Variants in DENND2C observed in about 807,000 individuals in gnomAD.
DENND2C encodes the protein DENN domain containing 2C.
A neutral mutation model predicts 112.4 loss-of-function variants in DENND2C; 72 were observed. The ratio of observed to expected loss-of-function variants is 0.64; its 90% CI spans 0.53 to 0.78. DENND2C has a LOEUF of 0.78. Ranked by LOEUF, DENND2C falls within the 30% of genes least tolerant of loss-of-function variation. DENND2C has a pLI of 0.00. For synonymous variants in DENND2C, 329 were observed against 381.6 expected (o/e 0.86, Z 1.61); for missense variants, 992 against 1,113.8 (o/e 0.89, Z 1.56).
chr1:114,601,445 T>C (rs780691839), intron 13 of DENND2C, 63 bp downstream of exon 13: 62 of 1,512,834 alleles, frequency 4.1e-5, no homozygotes, highest in Non-Finnish European at 5.5e-5. Context: ...TTAAACTCTA[T>C]GCCACTTAAT....
At position 114,623,561 on chromosome 1, in the gene DENND2C, C is replaced by T. The variant is rs755342230; in HGVS notation, c.889G>A (p.Gly297Arg). The T allele has an allele frequency of 3.1e-6, 5 of 1,610,168 alleles. No homozygotes were observed. The highest frequency in any genetic ancestry group is 4.2e-6 in the Non-Finnish European group (5 of 1,178,180). ...TIREELGRNS[G>R]SALYYTQSED... The stretch of plus-strand genomic sequence containing the variant: ...GACTGTGTGTAATAAAGTGCTGACC[C>T]AGAATTTCTTCCAAGTTCTTCACGA... The change falls in exon 5 of 21, where the codon GGG (glycine) becomes AGG (arginine). Residue 297 changes from glycine (G) to arginine (R), a missense_variant. Transcript: ENST00000393274.
intron 18 of DENND2C, among the ~76,000 whole-genome samples, chr1:114,590,205 G>A (rs6665750): frequency 0.011 from 1,718 of 152,124 alleles, 26 homozygotes; most frequent in African/African-American, 0.039. Flanking sequence ...ACAAGGCTGG[G>A]CAACATAGAC....
intron 10 of DENND2C, 69 bp downstream of exon 10, chr1:114,608,617 G>T (rs1182057812): frequency 6.6e-7 from 1 of 1,524,168 alleles, no homozygotes; most frequent in Non-Finnish European, 8.9e-7. Context: ...AAAACCAAGA[G>T]GACAGGAAAT....
rs768050448 is a variant in DENND2C, at chr1:114,623,609, G to C, written c.841C>G (p.Arg281Gly). The C allele has an allele frequency of 1.2e-6, 2 of 1,605,524 alleles. No individual in the cohort carries two copies. Among genetic ancestry groups the C allele is most frequent in the Non-Finnish European group, 1.7e-6 (2 of 1,175,974 alleles). ...CGAATCGTCTGTGAGTTCCGATTTC[G>C]AAAGTGCTGAATATCCTCAAATTCA... is the stretch of plus-strand genomic sequence containing the variant. ...SFEFEDIQHFRNRNSQTIREE... is the reference protein window; with the variant it reads ...SFEFEDIQHFGNRNSQTIREE... The change falls in exon 5 of 21, where the codon CGA becomes GGA. Residue 281 changes from arginine to glycine, a missense_variant. By Grantham distance (125) the Arg-to-Gly change is moderately radical. Coordinates refer to ENST00000393274, the MANE Select transcript of DENND2C (RefSeq NM_001256404.2).
rs956150229 is a variant in DENND2C at position 114,583,861 on chromosome 1, CAAA to C, written c.*1736_*1738del. ...ACACACACACACACACATACACACA[CAAA>C]AAAAACACTGCACCATCACTGAAAA... On this transcript the variant is annotated 3_prime_UTR_variant, in exon 21 of 21. Transcript: ENST00000393274. The C allele has an allele frequency of 2.7e-5, 4 of 148,588 alleles. No homozygotes were observed. Among genetic ancestry groups the C allele is most frequent in the Admixed American group, 6.7e-5 (1 of 14,848 alleles). 9.2% of individuals were successfully genotyped at this position (148,588 alleles called of 1,614,324 possible).
At chr1:114,638,400 A>G (rs909672649) in intron 3 of DENND2C, among the ~76,000 whole-genome samples, 8 of 152,202 alleles carry the variant, frequency 5.3e-5, no homozygotes, top group Non-Finnish European at 8.8e-5. Context: ...ACCATAAAGA[A>G]AAAGAATGGA....
At chr1:114,629,792 T>C (rs1167404584) in intron 3 of DENND2C, among the ~76,000 whole-genome samples, 1 of 152,184 alleles carries the variant, frequency 6.6e-6, no homozygotes, top group Non-Finnish European at 1.5e-5. Flanking sequence ...CCAATCTGAA[T>C]TCACTCCAGT....
intron 3 of DENND2C, among the ~76,000 whole-genome samples, chr1:114,630,806 C>T (rs1349709217): frequency 2.0e-5 from 3 of 152,110 alleles, no homozygotes; most frequent in African/African-American, 7.2e-5. Context: ...GAAAGAAAAA[C>T]TATGGGAGAT....
At position 114,587,436 on chromosome 1, in the gene DENND2C, T is replaced by G; in HGVS notation, c.2706A>C (p.Thr902=). The G allele has an allele frequency of 1.2e-6, 2 of 1,614,192 alleles. No homozygotes were observed. Among genetic ancestry groups the G allele is most frequent in the Non-Finnish European group, 1.7e-6 (2 of 1,180,036 alleles). ...TCCCACTGGGCTCCGACTCAGGAATTGTTTCCAAATACTGGATGGCCCGGA... is the reference window on the plus strand; with the variant it reads ...TCCCACTGGGCTCCGACTCAGGAATGGTTTCCAAATACTGGATGGCCCGGA... The part of the protein sequence containing the change: ...FEIRAIQYLE[T]IPESEPSGMN... The change falls in exon 20 of 21, where the codon ACA becomes ACC. Residue 902 remains threonine (T), a synonymous_variant. Coordinates refer to ENST00000393274, the MANE Select transcript of DENND2C (RefSeq NM_001256404.2).
Position 114,585,283 on chromosome 1 carries a change from CT to C in DENND2C, c.*316del. On this transcript the variant is annotated 3_prime_UTR_variant, in exon 21 of 21. Transcript: ENST00000393274. ...TTTTTTAAATGTAACAACAACAAGG[CT>C]TTTCCTTGTGAAACACAACTACTTT... is the stretch of plus-strand genomic sequence containing the variant. 1 of 326,900 alleles carries C rather than the reference CT, an allele frequency of 3.1e-6. No homozygotes were observed. 20.2% of individuals were successfully genotyped at this position (326,900 alleles called of 1,614,324 possible).
chr1:114,659,255 C>T (rs556873465), intron 1 of DENND2C, among the ~76,000 whole-genome samples: 13 of 152,174 alleles, frequency 8.5e-5, no homozygotes, highest in Non-Finnish European at 1.8e-4. Context: ...AACCCCAGCA[C>T]TTTGGGAGGT....
At chr1:114,633,461 A>G (rs1656553467) in intron 3 of DENND2C, among the ~76,000 whole-genome samples, 1 of 149,150 alleles carries the variant, frequency 6.7e-6, no homozygotes, top group Admixed American at 6.7e-5. Flanking sequence ...AAAAAAAAAA[A>G]AGAAAAAGAA....
At chr1:114,669,152 T>A (rs12124849) in intron 1 of DENND2C, among the ~76,000 whole-genome samples, 28,747 of 152,230 alleles carry the variant, frequency 0.19, 3,631 homozygotes, top group Non-Finnish European at 0.28. Flanking sequence ...GGGTAAACGT[T>A]TGTAAAGTGC....
intron 2 of DENND2C, among the ~76,000 whole-genome samples, chr1:114,650,831 A>C (rs1657139577): frequency 6.6e-6 from 1 of 152,256 alleles, no homozygotes; most frequent in Non-Finnish European, 1.5e-5. Flanking sequence ...TGACATTACA[A>C]AATTATATAT....
rs1367202484 is a variant in DENND2C at position 114,608,767 on chromosome 1, T to C, written c.1476A>G (p.Glu492=). ...TCTGTAGAGACACCACCACAAAAAG[T>C]TCAAACAGCTGCTGCTCCTGTAATT... ...LIELQEQQLF[E]LFVVVSLQKK... Residue 492 remains glutamate (E), a synonymous_variant, in exon 10 of 21, where the codon GAA becomes GAG. Coordinates refer to ENST00000393274, the MANE Select transcript of DENND2C (RefSeq NM_001256404.2). The C allele has an allele frequency of 1.9e-6, 3 of 1,614,200 alleles. No individual in the cohort carries two copies. In the South Asian group the frequency reaches 3.3e-5, roughly 18 times the overall value.
intron 11 of DENND2C, among the ~76,000 whole-genome samples, chr1:114,603,155 T>G (rs79605649): frequency 1.3e-5 from 2 of 152,030 alleles, no homozygotes; most frequent in African/African-American, 4.8e-5. Flanking sequence ...TTTTTTTTTT[T>G]TCTGAGACGG....
chr1:114,661,061 G>A (rs912781198), intron 1 of DENND2C, among the ~76,000 whole-genome samples: 1 of 147,566 alleles, frequency 6.8e-6, no homozygotes, highest in Non-Finnish European at 1.5e-5. Flanking sequence ...CAGTGAGCCG[G>A]TATTGTGCCA....
chr1:114,646,100 T>G (rs2101685030), intron 2 of DENND2C, among the ~76,000 whole-genome samples: 1 of 152,198 alleles, frequency 6.6e-6, no homozygotes, highest in East Asian at 1.9e-4. Context: ...CTAATTTTTT[T>G]GTATTTTTAG....
chr1:114,601,369 G>A (rs1207543821), intron 13 of DENND2C, 139 bp downstream of exon 13: 2 of 778,668 alleles, frequency 2.6e-6, no homozygotes, highest in Non-Finnish European at 2.1e-6. Flanking sequence ...GATTAGAGAT[G>A]TAAGTTTAAG....
Sources: allele counts gnomAD v4.1 joint callset (sites outside exome capture counted in the v4.1 genomes callset), GRCh38; gene constraint gnomAD v4.1.1; transcripts MANE v1.5; gene names NCBI Gene and HGNC (gene_info 2026-07-23, HGNC 2026-07-21).